Variants in TTC7B observed in about 807,000 individuals in gnomAD.
TTC7B encodes the protein tetratricopeptide repeat protein 7B.
TTC7B carries 28 observed loss-of-function variants against 106.8 expected under a neutral mutation model. The observed-to-expected ratio is 0.26, with a 90% CI of 0.19 to 0.36. The LOEUF (loss-of-function observed/expected upper bound fraction) is 0.36, where lower values mean the gene tolerates loss of function less well. TTC7B is among the 10% of genes least tolerant of loss of function. The pLI is 1.00. For missense variants in TTC7B, 862 were observed against 1,076.4 expected (o/e 0.80, Z 2.79); for synonymous variants, 405 against 430.6 (o/e 0.94, Z 0.74).
intron 3 of TTC7B, among the ~76,000 whole-genome samples, chr14:90,770,991 G>A (rs547311251): frequency 1.3e-5 from 2 of 152,266 alleles, no homozygotes; most frequent in East Asian, 3.9e-4. Flanking sequence ...GCTACCTAGA[G>A]TAGGCAAAAT....
Position 90,802,451 on chromosome 14 carries a change from G to T in TTC7B, c.121+13724C>A, listed in dbSNP as rs1000611276. On this transcript the variant is annotated intron_variant, in intron 1 of 19. Coordinates refer to ENST00000328459, the MANE Select transcript of TTC7B (RefSeq NM_001010854.2). This position sits in a 1 kb window ranked among gnomAD's most constrained non-coding sequence, Gnocchi z 4.7. ...GCCGCTGGCCTCTGAAGGGAGTGAG[G>T]GCTCCAAGCAGTGACAGAGGGCGCC... Among the ~76,000 whole-genome samples the T allele has an allele frequency of 4.7e-5, 7 of 148,750 alleles. No homozygotes were observed. The highest frequency in any genetic ancestry group is 1.7e-4 in the African/African-American group (7 of 40,498).
chr14:90,757,721 G>A lies in TTC7B; in HGVS notation c.446-12799C>T, dbSNP rs141270904. ...TACGGCTCTAGGATGACACCTAGAA[G>A]ATCATGGTCATTAGCAAATATCCAA... On this transcript the variant is annotated intron_variant, in intron 3 of 19. Transcript: ENST00000328459. This position sits in a 1 kb window ranked among gnomAD's most constrained non-coding sequence, Gnocchi z 4.1. Among the ~76,000 whole-genome samples, 4 of 152,292 alleles carry A rather than the reference G, an allele frequency of 2.6e-5. No individual in the cohort carries two copies. The highest frequency in any genetic ancestry group is 9.6e-5 in the African/African-American group (4 of 41,552).
intron 1 of TTC7B, among the ~76,000 whole-genome samples, chr14:90,804,289 A>G (rs1056084512): frequency 3.3e-5 from 5 of 151,792 alleles, no homozygotes; most frequent in Admixed American, 3.3e-4. Flanking sequence ...AGCCAAGATC[A>G]CCACTGCACT....
intron 3 of TTC7B, among the ~76,000 whole-genome samples, chr14:90,756,384 G>GTTTTTTTTTTTTTGTTTTTTTTT (rs369068692): frequency 7.1e-5 from 9 of 126,774 alleles, no homozygotes; most frequent in South Asian, 2.3e-4. Flanking sequence ...TTTTTTTTTT[G>GTTTTTTTTTTTTTGTTTTTTTTT]TTTTTTTTTT....
intron 18 of TTC7B, among the ~76,000 whole-genome samples, chr14:90,584,387 G>GGCTT (rs776621591): frequency 6.6e-6 from 1 of 152,204 alleles, no homozygotes; most frequent in Non-Finnish European, 1.5e-5. Context: ...GCTTGCCCTG[G>GGCTT]GCTTGGCTGT....
At chr14:90,797,790 C>T (rs1259302956) in intron 1 of TTC7B, among the ~76,000 whole-genome samples, 3 of 152,186 alleles carry the variant, frequency 2.0e-5, no homozygotes, top group African/African-American at 7.2e-5. Flanking sequence ...TACAGCCCTA[C>T]TGGTCATAGC....
At chr14:90,756,391 T>C (rs968106702) in intron 3 of TTC7B, among the ~76,000 whole-genome samples, 5 of 149,064 alleles carry the variant, frequency 3.4e-5, no homozygotes, top group Admixed American at 2.7e-4. Flanking sequence ...TTTGTTTTTT[T>C]TTTTTGTTTT....
At chr14:90,767,425 A>C (rs1184946447) in intron 3 of TTC7B, among the ~76,000 whole-genome samples, 2 of 152,180 alleles carry the variant, frequency 1.3e-5, no homozygotes, top group African/African-American at 4.8e-5. Context: ...CAGTGTTGGG[A>C]GGTAGGGCCT....
chr14:90,772,538 G>A (rs1247481486), intron 3 of TTC7B: 5 of 152,314 alleles, frequency 3.3e-5, no homozygotes, highest in African/African-American at 1.2e-4. Context: ...CATACAGGAG[G>A]TGTAGAGAAG....
intron 1 of TTC7B, among the ~76,000 whole-genome samples, chr14:90,787,321 A>G (rs1891427318): frequency 6.6e-6 from 1 of 152,220 alleles, no homozygotes; most frequent in Non-Finnish European, 1.5e-5. Flanking sequence ...ACCACCCCCC[A>G]GACTCTTCTG....
At chr14:90,784,825 CG>C (rs1273083018) in intron 2 of TTC7B, among the ~76,000 whole-genome samples, 2 of 152,122 alleles carry the variant, frequency 1.3e-5, no homozygotes, top group African/African-American at 2.4e-5. Context: ...GTTGAGATGA[CG>C]CTCTCCAGCC....
At chr14:90,765,785 C>A (rs1890655408) in intron 3 of TTC7B, among the ~76,000 whole-genome samples, 1 of 152,206 alleles carries the variant, frequency 6.6e-6, no homozygotes, top group Admixed American at 6.5e-5. Context: ...TATTGGGTAT[C>A]TGTGTTCTGA....
At chr14:90,618,788 C>G (rs938078575) in intron 15 of TTC7B, among the ~76,000 whole-genome samples, 6 of 152,276 alleles carry the variant, frequency 3.9e-5, no homozygotes, top group African/African-American at 1.4e-4. Context: ...CTCCTGGCCC[C>G]TGGACTTGTC....
In TTC7B at chr14:90,725,906, CAA is replaced by C. The variant is rs563087740; in HGVS notation, c.698+4167_698+4168del. Among the ~76,000 whole-genome samples the C allele has an allele frequency of 1.8e-3, 278 of 152,344 alleles. No homozygotes were observed. The Middle Eastern group carries it at 0.037, about 21-fold the overall frequency. ...AATGTGCTTTGCTACCCTTTGTTTA[CAA>C]AAGATGGGTAAATATTCCTAAAGCA... is the stretch of plus-strand genomic sequence containing the variant. On this transcript the variant is annotated intron_variant, in intron 5 of 19. Coordinates refer to ENST00000328459, the MANE Select transcript of TTC7B (RefSeq NM_001010854.2).
intron 19 of TTC7B, among the ~76,000 whole-genome samples, chr14:90,544,029 G>T (rs921288626): frequency 9.9e-5 from 15 of 152,236 alleles, no homozygotes; most frequent in African/African-American, 3.6e-4. Context: ...ACGTGGTTGG[G>T]GTGACAGCCA....
At chr14:90,699,739 C>T (rs1420709414) in intron 5 of TTC7B, among the ~76,000 whole-genome samples, 3 of 152,222 alleles carry the variant, frequency 2.0e-5, no homozygotes, top group Non-Finnish European at 2.9e-5. Flanking sequence ...AACCAGCACT[C>T]CTGAAATGCT....
At chr14:90,607,607 G>T (rs1892698574) in intron 17 of TTC7B, among the ~76,000 whole-genome samples, 1 of 152,200 alleles carries the variant, frequency 6.6e-6, no homozygotes. Flanking sequence ...TTCAAAGTCA[G>T]CCAGGCTCTT....
intron 5 of TTC7B, among the ~76,000 whole-genome samples, chr14:90,717,886 C>A (rs1221778744): frequency 1.3e-5 from 2 of 152,192 alleles, no homozygotes; most frequent in African/African-American, 4.8e-5. Flanking sequence ...GCTTCCCCAA[C>A]AGATACATCT....
intron 1 of TTC7B, among the ~76,000 whole-genome samples, chr14:90,803,549 G>T (rs1269367589): frequency 6.6e-6 from 1 of 152,126 alleles, no homozygotes; most frequent in Non-Finnish European, 1.5e-5. Context: ...TTAAACTGTG[G>T]CCCAGTTCAG....
Sources: allele counts gnomAD v4.1 joint callset (sites outside exome capture counted in the v4.1 genomes callset), GRCh38; gene constraint gnomAD v4.1.1; non-coding constraint Gnocchi (gnomAD v3.1); transcripts MANE v1.5; gene names NCBI Gene and HGNC (gene_info 2026-07-23, HGNC 2026-07-21).